Variants in EZR observed in about 807,000 individuals in gnomAD.
EZR encodes the protein cytovillin 2.
Under a neutral mutation model 74.8 loss-of-function variants are expected in EZR, and 40 were observed. The observed-to-expected ratio is 0.53, with a 90% confidence interval of 0.42 to 0.70. The LOEUF (loss-of-function observed/expected upper bound fraction) is 0.70. Ranked by LOEUF, EZR falls within the 30% of genes least tolerant of loss-of-function variation. EZR has a pLI of 0.00. For synonymous variants in EZR, 341 were observed against 283.3 expected, an observed-to-expected ratio of 1.20 and a Z score of -2.05; for missense variants, 678 against 755.8, an observed-to-expected ratio of 0.90 and a Z score of 1.21.
intron 8 of EZR, among the ~76,000 whole-genome samples, chr6:158,772,185 G>A (rs1169308266): frequency 6.6e-6 from 1 of 152,216 alleles, no homozygotes; most frequent in Non-Finnish European, 1.5e-5. Flanking sequence ...ACTCCTATGA[G>A]GCCATCAGCT....
At chr6:158,792,950 A>C (rs948929689) in intron 2 of EZR, among the ~76,000 whole-genome samples, 38 of 152,042 alleles carry the variant, frequency 2.5e-4, no homozygotes, top group Middle Eastern at 3.2e-3. Context: ...CATTCCACAA[A>C]ATTTTTTACC....
At position 158,767,244 on chromosome 6, in the gene EZR, A is replaced by G. The variant is rs879214743; in HGVS notation, c.1596+17T>C. The G allele has an allele frequency of 3.1e-6, 5 of 1,602,724 alleles. No individual in the cohort carries two copies. Among genetic ancestry groups the G allele is most frequent in the Non-Finnish European group, 4.3e-6 (5 of 1,172,292 alleles). On this transcript the variant is annotated intron_variant, in intron 13 of 13. Transcript: ENST00000367075. ...AGCGAGGCAGGCTCCCTGGAGACAGAGCCCCTTGGGCCTCACCAGCAGCTG... is the reference window on the plus strand; with the variant it reads ...AGCGAGGCAGGCTCCCTGGAGACAGGGCCCCTTGGGCCTCACCAGCAGCTG...
intron 8 of EZR, among the ~76,000 whole-genome samples, chr6:158,775,765 A>C (rs148138093): frequency 6.6e-6 from 1 of 152,262 alleles, no homozygotes; most frequent in African/African-American, 2.4e-5. Flanking sequence ...CTGAGTTAAC[A>C]AAAGTTTAAA....
At chr6:158,787,396 C>T (rs572835037) in intron 3 of EZR, among the ~76,000 whole-genome samples, 193 bp from the exon 4 acceptor site, 5 of 152,310 alleles carry the variant, frequency 3.3e-5, no homozygotes, top group African/African-American at 7.2e-5. Context: ...ATCTCAAAGC[C>T]ATGAACGACT....
chr6:158,790,102 TGA>T (rs1289577593), intron 2 of EZR, among the ~76,000 whole-genome samples: 5 of 151,992 alleles, frequency 3.3e-5, no homozygotes, highest in African/African-American at 7.3e-5. Context: ...GAAACCATAG[TGA>T]GAGAGAAATG....
intron 7 of EZR, 95 bp downstream of exon 7, chr6:158,783,425 A>T: frequency 9.0e-7 from 1 of 1,115,562 alleles, no homozygotes; most frequent in Non-Finnish European, 1.2e-6. Flanking sequence ...GTTGCTAAAT[A>T]AATACTTCAA....
rs145165033 is a variant in EZR, at chr6:158,810,233, T to C, written c.12+7849A>G. ...ATTAAAAGGATAACTTAATGAAGTT[T>C]TACATTTCCTTTGAAACAGCATTAC... On this transcript the variant is annotated intron_variant, in intron 2 of 13. Coordinates refer to ENST00000367075, the MANE Select transcript of EZR (RefSeq NM_001111077.2). Among the ~76,000 whole-genome samples, 362 of 152,314 alleles carry C rather than the reference T, an allele frequency of 2.4e-3. 2 individuals are homozygous for C. Among genetic ancestry groups the C allele is most frequent in the African/African-American group, 8.3e-3 (345 of 41,560 alleles).
Position 158,818,167 on chromosome 6 carries a change from CT to C in EZR, c.-73-2del. 2 of 1,574,770 alleles carry C rather than the reference CT, an allele frequency of 1.3e-6. No homozygotes were observed. Among genetic ancestry groups the C allele is most frequent in the Non-Finnish European group, 1.7e-6 (2 of 1,149,286 alleles). On this transcript the variant is annotated splice_acceptor_variant, in intron 1 of 13. Coordinates refer to ENST00000367075, the MANE Select transcript of EZR (RefSeq NM_001111077.2). LOFTEE classifies it low-confidence loss of function (5UTR_SPLICE). ...GCAGCAGCGAAGACGCTGTCCCAACCTGGAGTCAGAGCAGAACCCTTAGAGC... is the reference window on the plus strand; with the variant it reads ...GCAGCAGCGAAGACGCTGTCCCAACCGGAGTCAGAGCAGAACCCTTAGAGC...
rs1326857187 is a variant in EZR at position 158,785,569 on chromosome 6, C to T, written c.207G>A (p.Glu69=). ...ACTGGAGGGGATTCTCCTTCCTGAC[C>T]TCCTGGGCAGACACCTGCACGAAAC... The part of the protein sequence containing the change: ...LKLDKKVSAQ[E]VRKENPLQFK... Residue 69 remains glutamate, a synonymous_variant, in exon 5 of 14, where the codon GAG becomes GAA. Coordinates refer to ENST00000367075, the MANE Select transcript of EZR (RefSeq NM_001111077.2). 3 of 1,613,796 alleles carry T rather than the reference C, an allele frequency of 1.9e-6. No individual in the cohort carries two copies. In the East Asian group the frequency reaches 6.7e-5, roughly 36 times the overall value.
intron 2 of EZR, among the ~76,000 whole-genome samples, chr6:158,795,932 C>T (rs752269231): frequency 3.3e-5 from 5 of 152,186 alleles, no homozygotes; most frequent in Admixed American, 6.5e-5. Flanking sequence ...GGGCCTCTAC[C>T]TGATCTGCAG....
At chr6:158,771,100 A>C in intron 9 of EZR, 144 bp downstream of exon 9, 1 of 1,345,120 alleles carries the variant, frequency 7.4e-7, no homozygotes, top group Admixed American at 2.4e-5. Context: ...CCAGAGACAA[A>C]GGCCTCGAAG....
intron 2 of EZR, among the ~76,000 whole-genome samples, chr6:158,789,749 A>G (rs776344914): frequency 2.2e-4 from 33 of 152,314 alleles, no homozygotes; most frequent in Non-Finnish European, 3.8e-4. Context: ...CCTCTTGAGT[A>G]GCTGGCACTA....
chr6:158,804,948 A>G (rs1023641191), intron 2 of EZR, among the ~76,000 whole-genome samples: 1 of 121,058 alleles, frequency 8.3e-6, no homozygotes, highest in Admixed American at 1.0e-4. Flanking sequence ...AGAGTGTGAT[A>G]TTCCCCTTCC....
At chr6:158,770,488 T>C (rs1030967996) in intron 10 of EZR, among the ~76,000 whole-genome samples, 2 of 152,184 alleles carry the variant, frequency 1.3e-5, no homozygotes, top group Non-Finnish European at 2.9e-5. Context: ...GCACCAAACC[T>C]TACTGTCCTC....
At chr6:158,787,930 G>C (rs996430694) in intron 3 of EZR, among the ~76,000 whole-genome samples, 6 of 152,204 alleles carry the variant, frequency 3.9e-5, no homozygotes, top group African/African-American at 1.4e-4. Context: ...GAGCTGCTTA[G>C]TCTCACGACT....
chr6:158,809,176 C>T (rs940960644), intron 2 of EZR, among the ~76,000 whole-genome samples: 1 of 152,024 alleles, frequency 6.6e-6, no homozygotes, highest in Admixed American at 6.6e-5. Context: ...CACCTGACAG[C>T]GTTATAGGTG....
chr6:158,769,213 G>T, intron 12 of EZR, 113 bp downstream of exon 12: 1 of 765,740 alleles, frequency 1.3e-6, no homozygotes, highest in Non-Finnish European at 2.2e-6. Context: ...GTGGGATGTG[G>T]CAGCTTGAGC....
rs2128564934 is a variant in EZR, at chr6:158,769,918, G to C, written c.1117C>G (p.Leu373Val). The C allele has an allele frequency of 6.2e-7, 1 of 1,612,234 alleles. No individual in the cohort carries two copies. Among genetic ancestry groups the C allele is most frequent in the Admixed American group, 1.7e-5 (1 of 60,010 alleles). Residue 373 changes from leucine to valine, a missense_variant, in exon 11 of 14, where the codon CTG becomes GTG. By Grantham distance (32) the Leu-to-Val change is conservative (BLOSUM62 1). Around this residue, in one of 3 missense-constraint regions of EZR, gnomAD observed 342 missense variants for 341.2 expected, o/e 1.00. Coordinates refer to ENST00000367075, the MANE Select transcript of EZR (RefSeq NM_001111077.2). Reference sequence around the variant, plus strand: ...CGCTTCCTCTCCTCCTCCAGCTGCAGGGCCCTCTGAATCTGCTCCGAGAGC... The same window carrying C: ...CGCTTCCTCTCCTCCTCCAGCTGCACGGCCCTCTGAATCTGCTCCGAGAGC... ...RELSEQIQRA[L>V]QLEEERKRAQ...
chr6:158,782,046 G>A (rs1432010087), intron 7 of EZR, among the ~76,000 whole-genome samples: 1 of 152,102 alleles, frequency 6.6e-6, no homozygotes, highest in South Asian at 2.1e-4. Flanking sequence ...GGTGTGAGCC[G>A]CTGTGCCTGG....
Sources: gnomAD v4.1 joint callset for allele counts (sites outside exome capture counted in the v4.1 genomes callset) on GRCh38, gnomAD v4.1.1 for gene constraint, gnomAD v4.1.1 regional missense constraint, MANE v1.5 for transcripts, NCBI Gene and HGNC (gene_info 2026-07-23, HGNC 2026-07-21) for gene names.